Variants in ZNF875 observed in about 807,000 individuals in gnomAD.
The protein encoded by ZNF875 is HKR1, GLI-Kruppel zinc finger family member.
ZNF875 carries 14 observed loss-of-function variants against 11.2 expected under a neutral mutation model. The ratio of observed to expected loss-of-function variants is 1.26; its 90% confidence interval spans 0.83 to 1.96. ZNF875 has a LOEUF of 1.96. Ranked by LOEUF, ZNF875 falls within the 30% of genes most tolerant of loss-of-function variation. The pLI is 0.00. For synonymous variants in ZNF875, 301 were observed against 281.1 expected, an observed-to-expected ratio of 1.07 and a Z score of -0.71; for missense variants, 752 against 760.4, an observed-to-expected ratio of 0.99 and a Z score of 0.13.
chr19:37,333,117 T>G (rs1351034456), upstream of ZNF875, among the ~76,000 whole-genome samples: 1 of 152,226 alleles, frequency 6.6e-6, no homozygotes, highest in African/African-American at 2.4e-5. Flanking sequence ...GACCTGCTGT[T>G]ACATTATGTT....
chr19:37,355,841 T>C lies in ZNF875; in HGVS notation c.257-6268T>C, dbSNP rs956029951. Among the ~76,000 whole-genome samples the C allele has an allele frequency of 2.0e-5, 3 of 152,324 alleles. 1 individual carries two copies. Among genetic ancestry groups the C allele is most frequent in the Admixed American group, 1.3e-4 (2 of 15,298 alleles). ...GCAGGTTTGTTACATGGGTATATTA[T>C]GTAATGCTGGGGTTTGGGGCTTCTA... On this transcript the variant is annotated intron_variant, in intron 4 of 4. Transcript: ENST00000392153.
intron 4 of ZNF875, chr19:37,359,465 G>A: frequency 3.5e-6 from 1 of 285,602 alleles, no homozygotes; most frequent in Non-Finnish European, 7.1e-6. Context: ...ATACAGTGGT[G>A]TTATATCGGC....
intron 2 of ZNF875, among the ~76,000 whole-genome samples, chr19:37,343,248 C>T (rs1600073137): frequency 6.6e-6 from 1 of 151,882 alleles, no homozygotes; most frequent in East Asian, 1.9e-4. Context: ...GAGGCGGGAG[C>T]AGGAGAATCG....
chr19:37,358,912 T>A (rs1487910354), intron 4 of ZNF875, among the ~76,000 whole-genome samples: 1 of 151,444 alleles, frequency 6.6e-6, no homozygotes. Flanking sequence ...TATATATTTT[T>A]TTTTTGAGAT....
chr19:37,341,858 C>G (rs907081637), intron 2 of ZNF875, among the ~76,000 whole-genome samples: 3 of 152,168 alleles, frequency 2.0e-5, no homozygotes, highest in Admixed American at 2.0e-4. Flanking sequence ...CCAAACATTC[C>G]CTACCTAACA....
intron 2 of ZNF875, 82 bp downstream of exon 2, chr19:37,335,339 G>A: frequency 1.6e-6 from 1 of 634,270 alleles, no homozygotes; most frequent in South Asian, 1.7e-5. Context: ...CTGCCTTGTT[G>A]GTATTGGGCA....
Position 37,362,313 on chromosome 19 carries a change from G to T in ZNF875, c.461G>T (p.Trp154Leu). 1 of 1,614,102 alleles carries T rather than the reference G, an allele frequency of 6.2e-7. No individual in the cohort carries two copies. Among genetic ancestry groups the T allele is most frequent in the Non-Finnish European group, 8.5e-7 (1 of 1,180,008 alleles). Residue 154 changes from tryptophan to leucine, a missense_variant, in exon 5 of 5, where the codon TGG (tryptophan) becomes TTG (leucine). Transcript: ENST00000392153. Reference protein sequence around the residue: ...DPFCFSGKAEWIQEGEDSRLL... With the variant: ...DPFCFSGKAELIQEGEDSRLL... ...TTCTGCTTTAGTGGCAAAGCAGAAT[G>T]GATTCAAGAGGGAGAAGACTCCAGA...
upstream of ZNF875, among the ~76,000 whole-genome samples, chr19:37,332,892 A>G (rs1007250281): frequency 2.6e-5 from 4 of 152,222 alleles, no homozygotes; most frequent in Non-Finnish European, 4.4e-5. Flanking sequence ...AGATAATGAC[A>G]AGTGGTTCAG....
At chr19:37,320,020 T>TG in intron 1 of ZNF875, among the ~76,000 whole-genome samples, 1 of 152,324 alleles carries the variant, frequency 6.6e-6, no homozygotes, top group East Asian at 1.9e-4. Context: ...TCCCAGTAGC[T>TG]GGGACTACAG....
upstream of ZNF875, among the ~76,000 whole-genome samples, chr19:37,314,564 C>T (rs2030101427): frequency 6.6e-6 from 1 of 152,052 alleles, no homozygotes; most frequent in Non-Finnish European, 1.5e-5. Context: ...GTGGCTCATG[C>T]CTGCAATCTC....
chr19:37,352,102 TTAA>T (rs551018680), intron 4 of ZNF875, among the ~76,000 whole-genome samples: 62 of 152,364 alleles, frequency 4.1e-4, no homozygotes, highest in Middle Eastern at 3.4e-3. Context: ...CACATGTACA[TTAA>T]TAATTGTTAC....
Position 37,363,847 on chromosome 19 carries a change from A to T in ZNF875, c.*72A>T. ...CATACTTCATCAGACACCAGAGGACACACACAGTGCTGTGGCTTTTTCAGC... is the reference window on the plus strand; with the variant it reads ...CATACTTCATCAGACACCAGAGGACTCACACAGTGCTGTGGCTTTTTCAGC... On this transcript the variant is annotated 3_prime_UTR_variant, in exon 5 of 5. Transcript: ENST00000392153. The T allele has an allele frequency of 7.6e-7, 1 of 1,321,370 alleles. No individual in the cohort carries two copies. 81.9% of individuals were successfully genotyped at this position (1,321,370 alleles called of 1,614,324 possible).
At position 37,363,741 on chromosome 19, in the gene ZNF875, A is replaced by G. The variant is rs777199419; in HGVS notation, c.1889A>G (p.Asn630Ser). 6.8e-6 allele frequency: 11 copies of G among 1,613,740 alleles called. No individual in the cohort carries two copies. Among genetic ancestry groups the G allele is most frequent in the Middle Eastern group, 1.6e-4 (1 of 6,080 alleles). The change falls in exon 5 of 5, where the codon AAC (asparagine) becomes AGC (serine). Residue 630 changes from asparagine to serine, a missense_variant. Physicochemically the swap from Asn to Ser is conservative, Grantham distance 46 (BLOSUM62 1). Transcript: ENST00000392153. ...GGACGGGGCTTTAGTCGGAAGTCCA[A>G]CCTTATCAGACATCAGAGGACACAC... Reference protein sequence around the residue: ...KCGRGFSRKSNLIRHQRTHSG With the variant: ...KCGRGFSRKSSLIRHQRTHSG
At chr19:37,342,336 C>A (rs1483914890) in intron 2 of ZNF875, among the ~76,000 whole-genome samples, 3 of 152,030 alleles carry the variant, frequency 2.0e-5, no homozygotes, top group East Asian at 1.9e-4. Context: ...ATTACGCTTG[C>A]AAGCTGTATA....
chr19:37,331,632 T>TTAAC (rs1301154516), upstream of ZNF875, among the ~76,000 whole-genome samples: 6 of 147,530 alleles, frequency 4.1e-5, no homozygotes, highest in Non-Finnish European at 7.5e-5. Flanking sequence ...AGCATGCTCC[T>TTAAC]TAAGAGTCAT....
chr19:37,344,852 G>A, intron 2 of ZNF875: 1 of 909,294 alleles, frequency 1.1e-6, no homozygotes, highest in Non-Finnish European at 1.8e-6. Context: ...AGGGGTGTAT[G>A]TGTGTATGTT....
intron 4 of ZNF875, among the ~76,000 whole-genome samples, chr19:37,354,635 C>G (rs1344949902): frequency 2.6e-5 from 4 of 151,990 alleles, no homozygotes; most frequent in Non-Finnish European, 4.4e-5. Flanking sequence ...TGGTTTGTCC[C>G]CACCACAACT....
In ZNF875 at chr19:37,362,749, ACAT is replaced by A; in HGVS notation, c.900_902del (p.His300del). ...TTACGTGGAAGTCAAACCTGATCACACATCAGAGGACACACTCAGGGGAGAAAC... is the reference window on the plus strand; with the variant it reads ...TTACGTGGAAGTCAAACCTGATCACACAGAGGACACACTCAGGGGAGAAAC... On this transcript the variant is annotated inframe_deletion, in exon 5 of 5. Coordinates refer to ENST00000392153, the MANE Select transcript of ZNF875 (RefSeq NM_001353803.2). 1.9e-6 allele frequency: 3 copies of A among 1,613,550 alleles called. No individual in the cohort carries two copies. The highest frequency in any genetic ancestry group is 2.7e-5 in the African/African-American group (2 of 74,972).
chr19:37,332,523 T>C (rs1258645012), upstream of ZNF875, among the ~76,000 whole-genome samples: 1 of 152,062 alleles, frequency 6.6e-6, no homozygotes. Flanking sequence ...GGCCAACTTC[T>C]TGCTCTTTTT....
Sources: allele counts gnomAD v4.1 joint callset (sites outside exome capture counted in the v4.1 genomes callset), GRCh38; gene constraint gnomAD v4.1.1; transcripts MANE v1.5; gene names NCBI Gene and HGNC (gene_info 2026-07-23, HGNC 2026-07-21).